Variants in NIN observed in about 807,000 individuals in gnomAD.
NIN encodes glycogen synthase kinase 3 beta-interacting protein.
In NIN, 137 loss-of-function variants were observed where a neutral mutation model predicts 257.6. That is an observed-to-expected ratio of 0.53 (90% CI 0.46 to 0.61). The LOEUF (loss-of-function observed/expected upper bound fraction) is 0.61. Ranked by LOEUF, NIN falls within the 20% of genes least tolerant of loss-of-function variation. The pLI, the probability that NIN is intolerant of heterozygous loss-of-function variation, is 0.00. For synonymous variants in NIN, 918 were observed against 919.8 expected (o/e 1.00, Z 0.04); for missense variants, 2,439 against 2,501.2 (o/e 0.98, Z 0.53).
intron 5 of NIN, among the ~76,000 whole-genome samples, chr14:50,788,638 A>C (rs1041766642): frequency 6.6e-6 from 1 of 152,236 alleles, no homozygotes; most frequent in African/African-American, 2.4e-5. Flanking sequence ...CCCTACTATG[A>C]AATCACCTTA....
chr14:50,798,103 A>G lies in NIN; in HGVS notation c.266-5222T>C, dbSNP rs189880681. On this transcript the variant is annotated intron_variant, in intron 4 of 30. Transcript: ENST00000530997. ...TGCCTTTCCTTTTGCTTCCCAGTGCACTCCCTGCCTCTAGGGCCATCACCA... is the reference window on the plus strand; with the variant it reads ...TGCCTTTCCTTTTGCTTCCCAGTGCGCTCCCTGCCTCTAGGGCCATCACCA... Among the ~76,000 whole-genome samples the G allele has an allele frequency of 2.0e-5, 3 of 152,008 alleles. No homozygotes were observed. The East Asian group carries it at 5.8e-4, about 29-fold the overall frequency.
chr14:50,829,730 T>G (rs954495234), intron 2 of NIN, among the ~76,000 whole-genome samples: 1 of 152,158 alleles, frequency 6.6e-6, no homozygotes, highest in Non-Finnish European at 1.5e-5. Context: ...CAGCTCCCAT[T>G]TTGTTGGTGC....
chr14:50,752,426 A>C, intron 21 of NIN, 92 bp downstream of exon 21: 1 of 947,150 alleles, frequency 1.1e-6, no homozygotes, highest in Non-Finnish European at 1.7e-6. Flanking sequence ...TTTAATTACT[A>C]AGGCTTTATG....
intron 4 of NIN, among the ~76,000 whole-genome samples, chr14:50,796,381 C>T (rs2043839654): frequency 6.6e-6 from 1 of 152,178 alleles, no homozygotes; most frequent in Non-Finnish European, 1.5e-5. Flanking sequence ...TGCTTCAACC[C>T]TCCACTGGAG....
At chr14:50,773,592 T>TTACAATTAAGATTTGGAATCTGAAATCCC in intron 7 of NIN, among the ~76,000 whole-genome samples, 1 of 152,240 alleles carries the variant, frequency 6.6e-6, no homozygotes, top group South Asian at 2.1e-4. Flanking sequence ...AATGATCTGA[T>TTACAATTAAGATTTGGAATCTGAAATCCC]TACAATTAAG....
intron 21 of NIN, among the ~76,000 whole-genome samples, chr14:50,752,055 G>A (rs2041810156): frequency 6.6e-6 from 1 of 151,506 alleles, no homozygotes; most frequent in African/African-American, 2.4e-5. Context: ...TATAATCAGT[G>A]TTTTCTTTTA....
chr14:50,807,946 C>T (rs1233214115), intron 3 of NIN, among the ~76,000 whole-genome samples: 2 of 152,214 alleles, frequency 1.3e-5, no homozygotes, highest in African/African-American at 4.8e-5. Flanking sequence ...ATTGGAATTA[C>T]TTACTGAAAT....
At chr14:50,777,435 C>T (rs554376964) in intron 6 of NIN, among the ~76,000 whole-genome samples, 46 of 152,312 alleles carry the variant, frequency 3.0e-4, no homozygotes, top group Admixed American at 2.8e-3. Flanking sequence ...GAGCACATCA[C>T]AAGCTTAGGC....
intron 27 of NIN, 79 bp from the exon 28 acceptor site, chr14:50,735,696 G>A: frequency 1.4e-6 from 2 of 1,469,928 alleles, no homozygotes; most frequent in East Asian, 2.5e-5. Context: ...TGACAAATCT[G>A]TGCTTGTCAG....
chr14:50,803,073 G>A (rs894608552), intron 4 of NIN, among the ~76,000 whole-genome samples: 4 of 152,138 alleles, frequency 2.6e-5, no homozygotes, highest in East Asian at 1.9e-4. Context: ...CACAGACCTC[G>A]CCGGGCGCAG....
chr14:50,786,460 C>G (rs1289625594), intron 5 of NIN, among the ~76,000 whole-genome samples: 1 of 152,140 alleles, frequency 6.6e-6, no homozygotes, highest in East Asian at 1.9e-4. Context: ...CACCAGGACA[C>G]TAAAGCCTAA....
intron 12 of NIN, among the ~76,000 whole-genome samples, chr14:50,767,813 T>C (rs1430722832): frequency 5.6e-5 from 8 of 144,018 alleles, no homozygotes. Context: ...CAAGACTCCA[T>C]CTCAAAAAAA....
At position 50,766,817 on chromosome 14, in the gene NIN, T is replaced by C. The variant is rs772421604; in HGVS notation, c.1508A>G (p.Lys503Arg). The change falls in exon 13 of 31, where the codon AAA (lysine) becomes AGA (arginine). Residue 503 changes from lysine to arginine, a missense_variant. Transcript: ENST00000530997. ...CACATTTTCCAAATTTCTCTGAAGT[T>C]TGTTTGTCAGATTCTCATATTCTGC... The part of the protein sequence containing the change: ...KLAEYENLTN[K>R]LQRNLENVLA... 1.9e-6 allele frequency: 3 copies of C among 1,614,022 alleles called. No individual in the cohort carries two copies. Among genetic ancestry groups the C allele is most frequent in the African/African-American group, 2.7e-5 (2 of 75,066 alleles).
At chr14:50,802,553 A>C (rs887752532) in intron 4 of NIN, among the ~76,000 whole-genome samples, 10 of 152,236 alleles carry the variant, frequency 6.6e-5, no homozygotes, top group African/African-American at 2.4e-4. Flanking sequence ...CATGAGATAT[A>C]CTATGCATTT....
chr14:50,771,411 C>A lies in NIN; in HGVS notation c.1039G>T (p.Glu347Ter). The change falls in exon 10 of 31, where the codon GAA becomes TAA. Residue 347 changes from glutamate (E) to a stop codon, truncating the protein, a stop_gained. Transcript: ENST00000530997. LOFTEE classifies it high-confidence loss of function. ...INLTELTLAL[E>*]NELLVTKNSI... The stretch of plus-strand genomic sequence containing the variant: ...TTCTTGGTAACCAAAAGTTCATTTT[C>A]AAGGGCCAGTGTTAATTCTGTCAAA... 1 of 1,614,194 alleles carries A rather than the reference C, an allele frequency of 6.2e-7. No individual in the cohort carries two copies. Among genetic ancestry groups the A allele is most frequent in the Non-Finnish European group, 8.5e-7 (1 of 1,180,028 alleles).
rs1246574035 is a variant in NIN, at chr14:50,770,736, G to C, written c.1259+116C>G. ...CATCTGAGTCACTCCAGCAAGGTGT[G>C]GCCAACAGGCTGACCAGAAGAGTCC... On this transcript the variant is annotated intron_variant, in intron 11 of 30. Transcript: ENST00000530997. 16 of 1,379,962 alleles carry C rather than the reference G, an allele frequency of 1.2e-5. No individual in the cohort carries two copies. The Middle Eastern group carries it at 1.3e-3, about 115-fold the overall frequency. The allele number at this position is 1,379,962 out of a possible 1,614,324, so 85.5% of individuals were successfully genotyped here. A position where few individuals can be genotyped will look rare whatever the true frequency, so the allele number is the denominator to read the frequency against.
In NIN at chr14:50,815,092, G is replaced by C. The variant is rs529125385; in HGVS notation, c.183+6782C>G. Among the ~76,000 whole-genome samples, 32 of 152,304 alleles carry C rather than the reference G, an allele frequency of 2.1e-4. No individual in the cohort carries two copies. The South Asian group carries it at 5.4e-3, about 26-fold the overall frequency. ...TGCATAGCAAAATAATCTATCATTA[G>C]AGTGAACAGACAACCTACAGAATAG... On this transcript the variant is annotated intron_variant, in intron 3 of 30. Transcript: ENST00000530997.
chr14:50,774,664 C>G (rs2042853661), intron 7 of NIN, among the ~76,000 whole-genome samples: 1 of 152,204 alleles, frequency 6.6e-6, no homozygotes, highest in African/African-American at 2.4e-5. Context: ...GGTGTGTTGA[C>G]TGAAGTTAAC....
chr14:50,781,604 G>A (rs553214374), intron 5 of NIN, among the ~76,000 whole-genome samples: 9 of 152,296 alleles, frequency 5.9e-5, no homozygotes, highest in Middle Eastern at 3.4e-3. Context: ...ATAAAGGATC[G>A]AGTATGGAGG....
Sources: gnomAD v4.1 joint callset for allele counts (sites outside exome capture counted in the v4.1 genomes callset) on GRCh38, gnomAD v4.1.1 for gene constraint, MANE v1.5 for transcripts, NCBI Gene and HGNC (gene_info 2026-07-23, HGNC 2026-07-21) for gene names.